Variants in GREM2 observed in about 807,000 individuals in gnomAD.
The protein encoded by GREM2 is gremlin 2, DAN family BMP antagonist.
Under a neutral mutation model 14.2 loss-of-function variants are expected in GREM2, and 11 were observed. That is an observed-to-expected ratio of 0.78 (90% CI 0.49 to 1.28). The LOEUF (loss-of-function observed/expected upper bound fraction) is 1.28, where lower values mean the gene tolerates loss of function less well. GREM2 is among the 50% of genes most tolerant of loss of function. The pLI is 0.00. For synonymous variants in GREM2, 98 were observed against 97.6 expected (o/e 1.00, Z -0.02); for missense variants, 210 against 218.5 (o/e 0.96, Z 0.24).
intron 1 of GREM2, among the ~76,000 whole-genome samples, chr1:240,587,973 C>G (rs1334738709): frequency 6.6e-6 from 1 of 152,126 alleles, no homozygotes; most frequent in Non-Finnish European, 1.5e-5. Context: ...CAGCACCTTG[C>G]TCTTTGATGG....
intron 1 of GREM2, among the ~76,000 whole-genome samples, chr1:240,503,341 G>A (rs186337470): frequency 6.6e-6 from 1 of 152,152 alleles, no homozygotes; most frequent in East Asian, 1.9e-4. Context: ...TACCACTTTG[G>A]TTTAGATCCT....
intron 1 of GREM2, among the ~76,000 whole-genome samples, chr1:240,551,637 C>CT (rs74486901): frequency 0.29 from 43,144 of 146,800 alleles, 6,179 homozygotes; most frequent in East Asian, 0.4. Context: ...GTCTAGTTTA[C>CT]TTTTTTTTTT....
At chr1:240,604,340 T>A (rs1679987028) in intron 1 of GREM2, among the ~76,000 whole-genome samples, 1 of 151,572 alleles carries the variant, frequency 6.6e-6, no homozygotes, top group East Asian at 1.9e-4. Context: ...TGTGTGTGTA[T>A]AAAATGTATG....
At chr1:240,599,568 T>C (rs1024801315) in intron 1 of GREM2, among the ~76,000 whole-genome samples, 5 of 152,112 alleles carry the variant, frequency 3.3e-5, no homozygotes, top group Non-Finnish European at 1.5e-5. Flanking sequence ...AGTCTAAGCA[T>C]GACCAAATAA....
chr1:240,505,567 CT>C (rs1460867361), intron 1 of GREM2, among the ~76,000 whole-genome samples: 1 of 151,998 alleles, frequency 6.6e-6, no homozygotes, highest in Non-Finnish European at 1.5e-5. Flanking sequence ...ATTTTGCCCT[CT>C]TTTTTCAGTG....
chr1:240,558,235 A>G (rs751335823), intron 1 of GREM2, among the ~76,000 whole-genome samples: 3 of 152,026 alleles, frequency 2.0e-5, no homozygotes, highest in Non-Finnish European at 4.4e-5. Flanking sequence ...TTATGGAAAG[A>G]GATAGAGGAA....
intron 1 of GREM2, among the ~76,000 whole-genome samples, chr1:240,583,655 G>A (rs895597730): frequency 6.6e-6 from 1 of 151,072 alleles, no homozygotes; most frequent in South Asian, 2.1e-4. Flanking sequence ...AGGCTGGAGT[G>A]CAGTGACGCT....
At chr1:240,609,059 A>G (rs1450173565) in intron 1 of GREM2, among the ~76,000 whole-genome samples, 1 of 152,224 alleles carries the variant, frequency 6.6e-6, no homozygotes, top group Admixed American at 6.5e-5. Context: ...TCAAAAATGT[A>G]TACTTGAAGC....
At chr1:240,552,793 T>A (rs956335177) in intron 1 of GREM2, among the ~76,000 whole-genome samples, 19 of 152,236 alleles carry the variant, frequency 1.2e-4, no homozygotes, top group African/African-American at 4.3e-4. Flanking sequence ...GAAGATGCTG[T>A]ACTTGAAAGT....
intron 1 of GREM2, among the ~76,000 whole-genome samples, chr1:240,551,417 C>T (rs369222819): frequency 2.0e-5 from 3 of 152,186 alleles, no homozygotes; most frequent in African/African-American, 4.8e-5. Context: ...GGCGCAATCT[C>T]GGCCCACTGC....
chr1:240,519,910 G>A (rs886921454), intron 1 of GREM2, among the ~76,000 whole-genome samples: 12 of 152,002 alleles, frequency 7.9e-5, no homozygotes, highest in African/African-American at 2.9e-4. Flanking sequence ...GAGAAATCCC[G>A]TCTCTACTAA....
At position 240,543,098 on chromosome 1, in the gene GREM2, C is replaced by T. The variant is rs141918393; in HGVS notation, c.-1-49622G>A. Among the ~76,000 whole-genome samples the T allele has an allele frequency of 1.4e-3, 218 of 152,292 alleles. 1 individual carries two copies. Among genetic ancestry groups the T allele is most frequent in the East Asian group, 9.3e-3 (48 of 5,172 alleles). Reference sequence around the variant, plus strand: ...TTCTGAGGTTTCAAAAGCATTTCCTCGATCACTCTGTCATGATTATTTGAC... The same window carrying T: ...TTCTGAGGTTTCAAAAGCATTTCCTTGATCACTCTGTCATGATTATTTGAC... On this transcript the variant is annotated intron_variant, in intron 1 of 1. Transcript: ENST00000318160. The surrounding 1 kb of genome is among the most constrained non-coding windows in gnomAD (Gnocchi z 6.4).
At chr1:240,512,460 G>C (rs1053021449) in intron 1 of GREM2, among the ~76,000 whole-genome samples, 2 of 32,186 alleles carry the variant, frequency 6.2e-5, no homozygotes, top group Admixed American at 4.8e-4. Context: ...CTACTACTAA[G>C]GCTCTTTCCT....
At chr1:240,604,582 A>C (rs896906062) in intron 1 of GREM2, among the ~76,000 whole-genome samples, 1 of 152,186 alleles carries the variant, frequency 6.6e-6, no homozygotes, top group African/African-American at 2.4e-5. Context: ...AGAGAATGTG[A>C]TATTTCAGTT....
chr1:240,572,075 A>G (rs1037644519), intron 1 of GREM2, among the ~76,000 whole-genome samples: 11 of 152,220 alleles, frequency 7.2e-5, no homozygotes, highest in Non-Finnish European at 1.2e-4. Context: ...CGTAATTGAC[A>G]CTGAACGAAT....
intron 1 of GREM2, chr1:240,550,029 T>A (rs76476683): frequency 0.29 from 44,818 of 152,246 alleles, 6,682 homozygotes; most frequent in East Asian, 0.39. Flanking sequence ...TTATTTATTT[T>A]ATTTTTTTTA....
At chr1:240,509,919 G>A (rs1677767119) in intron 1 of GREM2, among the ~76,000 whole-genome samples, 1 of 152,176 alleles carries the variant, frequency 6.6e-6, no homozygotes, top group South Asian at 2.1e-4. Context: ...TGATCCCTGA[G>A]AGCTGCTCTC....
At chr1:240,579,458 G>A (rs746756687) in intron 1 of GREM2, among the ~76,000 whole-genome samples, 1 of 152,104 alleles carries the variant, frequency 6.6e-6, no homozygotes, top group South Asian at 2.1e-4. Context: ...TCATTCCTAC[G>A]TCACAGGGTA....
intron 1 of GREM2, among the ~76,000 whole-genome samples, chr1:240,541,375 A>T (rs767059083): frequency 6.6e-6 from 1 of 152,168 alleles, no homozygotes; most frequent in Non-Finnish European, 1.5e-5. Flanking sequence ...GCCCTAGAAA[A>T]AGGGCCAAGA....
Sources: allele counts gnomAD v4.1 joint callset (sites outside exome capture counted in the v4.1 genomes callset), GRCh38; gene constraint gnomAD v4.1.1; non-coding constraint Gnocchi (gnomAD v3.1); transcripts MANE v1.5; gene names NCBI Gene and HGNC (gene_info 2026-07-23, HGNC 2026-07-21).